Variants in PCDH15 observed in about 807,000 individuals in gnomAD.
PCDH15 encodes the protein protocadherin related 15.
In PCDH15, 129 loss-of-function variants were observed where a neutral mutation model predicts 178.5. That is an observed-to-expected ratio of 0.72 (90% confidence interval 0.63 to 0.84). PCDH15 has a LOEUF of 0.84. Among genes scored for constraint, PCDH15 ranks in the 40% least tolerant of loss-of-function variants. The probability of loss-of-function intolerance (pLI) is 0.00; values close to 1 mark genes in which losing one functional copy is unlikely to be tolerated. For synonymous variants in PCDH15, 800 were observed against 732.0 expected (o/e 1.09, Z -1.50); for missense variants, 2,230 against 2,099.9 (o/e 1.06, Z -1.21).
chr10:54,766,166 G>A (rs1232730600), intron 1 of PCDH15, among the ~76,000 whole-genome samples: 1 of 152,032 alleles, frequency 6.6e-6, no homozygotes, highest in Non-Finnish European at 1.5e-5. Context: ...TGAGTAATAC[G>A]TTTAAATTTC....
chr10:54,851,267 A>T (rs1953617158), intron 3 of PCDH15, among the ~76,000 whole-genome samples: 1 of 152,146 alleles, frequency 6.6e-6, no homozygotes. Flanking sequence ...CACAAAAATT[A>T]AAAAAGGAAG....
chr10:54,480,647 C>T (rs567412837), intron 3 of PCDH15, among the ~76,000 whole-genome samples: 92 of 152,052 alleles, frequency 6.1e-4, no homozygotes, highest in African/African-American at 2.1e-3. Context: ...AGTGGATGCT[C>T]TTAGTTGTAT....
chr10:53,846,023 T>TACACAC (rs71461206), intron 28 of PCDH15, among the ~76,000 whole-genome samples: 6,499 of 147,080 alleles, frequency 0.044, 376 homozygotes, highest in African/African-American at 0.12. Context: ...TGTATGTGTA[T>TACACAC]ACACACACAC....
At chr10:55,595,275 A>G (rs980551599) in intron 2 of PCDH15, among the ~76,000 whole-genome samples, 3 of 151,966 alleles carry the variant, frequency 2.0e-5, no homozygotes, top group Non-Finnish European at 2.9e-5. Context: ...AAGTATTAGT[A>G]TATCTGGTAG....
chr10:55,296,133 G>A (rs897115140), intron 1 of PCDH15, among the ~76,000 whole-genome samples: 1 of 152,170 alleles, frequency 6.6e-6, no homozygotes, highest in African/African-American at 2.4e-5. Context: ...TGTGGATTAT[G>A]GGGTGTGGAG....
chr10:55,441,712 A>G (rs1201250529), intron 2 of PCDH15, among the ~76,000 whole-genome samples: 3 of 152,208 alleles, frequency 2.0e-5, no homozygotes, highest in Non-Finnish European at 4.4e-5. Flanking sequence ...CCTGTGATAG[A>G]GTGAATGGTG....
chr10:55,164,156 G>C (rs1056764288), intron 2 of PCDH15, among the ~76,000 whole-genome samples: 6 of 151,924 alleles, frequency 3.9e-5, no homozygotes, highest in Non-Finnish European at 8.8e-5. Flanking sequence ...TCTCTGTTTC[G>C]TATTACACAA....
chr10:55,157,125 ATATCTATC>A (rs71014455), intron 2 of PCDH15, among the ~76,000 whole-genome samples: 1 of 151,454 alleles, frequency 6.6e-6, no homozygotes, highest in Admixed American at 6.6e-5. Flanking sequence ...CATTCTATCT[ATATCTATC>A]TATCTATCTA....
At chr10:54,573,328 A>G (rs994200469) in intron 2 of PCDH15, among the ~76,000 whole-genome samples, 1 of 152,114 alleles carries the variant, frequency 6.6e-6, no homozygotes, top group African/African-American at 2.4e-5. Flanking sequence ...CACTTAACCA[A>G]AGTGCTGAGG....
chr10:55,034,102 C>T (rs1009183725), intron 2 of PCDH15, among the ~76,000 whole-genome samples: 1 of 151,648 alleles, frequency 6.6e-6, no homozygotes, highest in African/African-American at 2.4e-5. Context: ...CTTTGTTTTG[C>T]TTTTATAAAT....
In PCDH15 at chr10:54,989,533, T is replaced by C. The variant is rs1480577524; in HGVS notation, c.-79-92033A>G. Reference sequence around the variant, plus strand: ...CATGACCTGGATGTGAGACATGGAGTCAAAGGAGGTCATTTTTGAGCTTTA... The same window carrying C: ...CATGACCTGGATGTGAGACATGGAGCCAAAGGAGGTCATTTTTGAGCTTTA... On this transcript the variant is annotated intron_variant, in intron 2 of 5. Coordinates refer to the PCDH15 transcript ENST00000458638. 2.0e-5 allele frequency among the ~76,000 whole-genome samples: 3 copies of C among 152,176 alleles called. No individual in the cohort carries two copies. In the East Asian group the frequency reaches 5.8e-4, roughly 30 times the overall value.
At chr10:55,083,414 C>A (rs948574044) in intron 2 of PCDH15, among the ~76,000 whole-genome samples, 7 of 151,588 alleles carry the variant, frequency 4.6e-5, no homozygotes, top group Admixed American at 3.3e-4. Context: ...TACCTCAATA[C>A]AATAAAAAAC....
chr10:55,547,698 C>A (rs141432821), intron 2 of PCDH15, among the ~76,000 whole-genome samples: 1 of 151,966 alleles, frequency 6.6e-6, no homozygotes, highest in African/African-American at 2.4e-5. Flanking sequence ...ATTTCTTTGA[C>A]CACTAGAAGG....
chr10:55,045,564 C>T (rs1369150672), intron 2 of PCDH15, among the ~76,000 whole-genome samples: 4 of 152,062 alleles, frequency 2.6e-5, no homozygotes, highest in Non-Finnish European at 4.4e-5. Context: ...TTCTTGTTCA[C>T]ATGTTCAAAT....
In PCDH15 at chr10:55,350,932, G is replaced by A. The variant is rs182273342; in HGVS notation, c.-155-184281C>T. 1.7e-3 allele frequency among the ~76,000 whole-genome samples: 257 copies of A among 151,568 alleles called. 1 individual carries two copies. Among genetic ancestry groups the A allele is most frequent in the Non-Finnish European group, 3.2e-3 (215 of 67,840 alleles). Reference sequence around the variant, plus strand: ...TTTAATCATATGTTTTTAAGTACGTGTGGTCCACATGTTTTATTATTTCTT... The same window carrying A: ...TTTAATCATATGTTTTTAAGTACGTATGGTCCACATGTTTTATTATTTCTT... On this transcript the variant is annotated intron_variant, in intron 2 of 5. Transcript: ENST00000613346.
intron 2 of PCDH15, among the ~76,000 whole-genome samples, chr10:55,099,475 T>C (rs1842526944): frequency 6.6e-6 from 1 of 152,070 alleles, no homozygotes; most frequent in Non-Finnish European, 1.5e-5. Flanking sequence ...TTATATAATA[T>C]GTCTCATCCT....
intron 1 of PCDH15, among the ~76,000 whole-genome samples, chr10:55,279,773 T>C (rs1842681223): frequency 6.6e-6 from 1 of 152,170 alleles, no homozygotes; most frequent in African/African-American, 2.4e-5. Flanking sequence ...GGGACTACAA[T>C]AAGGACTGAG....
chr10:55,006,719 T>C (rs887923088), intron 2 of PCDH15, among the ~76,000 whole-genome samples: 2 of 152,200 alleles, frequency 1.3e-5, no homozygotes, highest in African/African-American at 4.8e-5. Flanking sequence ...CTCACCCTTA[T>C]ACCAGTGTGC....
intron 2 of PCDH15, among the ~76,000 whole-genome samples, chr10:55,505,745 G>A (rs994216271): frequency 4.6e-5 from 7 of 151,376 alleles, no homozygotes; most frequent in Non-Finnish European, 7.4e-5. Context: ...TCCTTCAAAA[G>A]TTTTATATCC....
Sources: gnomAD v4.1 joint callset for allele counts (sites outside exome capture counted in the v4.1 genomes callset) on GRCh38, gnomAD v4.1.1 for gene constraint, MANE v1.5 for transcripts, NCBI Gene and HGNC (gene_info 2026-07-23, HGNC 2026-07-21) for gene names.